ZNF568: variants seen among roughly 807,000 people sequenced by gnomAD.
The protein encoded by ZNF568 is zinc finger protein 568, also known as p53 inhibitor of SCO2 activation.
Under a neutral mutation model 18.1 loss-of-function variants are expected in ZNF568, and 11 were observed. The observed-to-expected ratio is 0.61, with a 90% CI of 0.38 to 1.00. ZNF568 has a LOEUF of 1.00. Ranked by LOEUF, ZNF568 falls within the 50% of genes least tolerant of loss-of-function variation. The probability of loss-of-function intolerance (pLI) is 0.01; values close to 1 mark genes in which losing one functional copy is unlikely to be tolerated. For missense variants in ZNF568, 639 were observed against 768.2 expected (o/e 0.83, Z 1.99); for synonymous variants, 213 against 246.6 (o/e 0.86, Z 1.28).
intron 6 of ZNF568, among the ~76,000 whole-genome samples, chr19:36,972,880 C>A (rs1366718779): frequency 2.0e-5 from 3 of 152,210 alleles, no homozygotes. Context: ...ACTCTGGAAG[C>A]CCTGGCGGCG....
At chr19:36,986,405 T>C (rs1362976966) in intron 2 of ZNF568, among the ~76,000 whole-genome samples, 1 of 152,186 alleles carries the variant, frequency 6.6e-6, no homozygotes, top group Non-Finnish European at 1.5e-5. Flanking sequence ...CTGGGCTCCA[T>C]AGACATTCCC....
chr19:36,934,065 A>G (rs1350406382), intron 4 of ZNF568, among the ~76,000 whole-genome samples: 2 of 150,212 alleles, frequency 1.3e-5, no homozygotes, highest in African/African-American at 4.9e-5. Context: ...ATATTTATTC[A>G]TAATATTTCT....
At chr19:36,940,103 A>G (rs1032249777) in intron 6 of ZNF568, among the ~76,000 whole-genome samples, 2 of 152,180 alleles carry the variant, frequency 1.3e-5, no homozygotes, top group Non-Finnish European at 2.9e-5. Context: ...CATCACCCAA[A>G]GTAGTTCTGA....
chr19:36,921,449 G>A (rs569255670), intron 2 of ZNF568, among the ~76,000 whole-genome samples: 12 of 149,208 alleles, frequency 8.0e-5, no homozygotes, highest in Admixed American at 4.7e-4. Flanking sequence ...CAACAAGAGC[G>A]AAACTCCATC....
At chr19:36,926,246 T>G (rs1278179623) in intron 4 of ZNF568, among the ~76,000 whole-genome samples, 1 of 152,230 alleles carries the variant, frequency 6.6e-6, no homozygotes, top group African/African-American at 2.4e-5. Flanking sequence ...CTCTTGATTC[T>G]TTTTGTTTCC....
At chr19:36,971,642 G>A (rs879355095) in intron 6 of ZNF568, among the ~76,000 whole-genome samples, 11 of 151,814 alleles carry the variant, frequency 7.2e-5, no homozygotes, top group Non-Finnish European at 1.3e-4. Flanking sequence ...TCGCTCTATC[G>A]CCAGGCTGGA....
At chr19:36,984,218 G>A (rs1016696717), downstream of ZNF568, among the ~76,000 whole-genome samples, 1 of 152,092 alleles carries the variant, frequency 6.6e-6, no homozygotes, top group East Asian at 1.9e-4. Context: ...GTTCTTTAAC[G>A]AGAGTATTTA....
chr19:36,931,851 CCCTGAAAAGAAACCCTTTA>C (rs1162663616), intron 4 of ZNF568, among the ~76,000 whole-genome samples: 1 of 152,124 alleles, frequency 6.6e-6, no homozygotes, highest in Non-Finnish European at 1.5e-5. Context: ...ATTTTCATCA[CCCTGAAAAGAAACCCTTTA>C]CCTGTTAGCT....
At chr19:36,970,849 T>C (rs2074230128) in intron 6 of ZNF568, among the ~76,000 whole-genome samples, 1 of 152,186 alleles carries the variant, frequency 6.6e-6, no homozygotes, top group Non-Finnish European at 1.5e-5. Context: ...CTGTTCAGAT[T>C]TTCTACTTCT....
chr19:36,958,617 T>TTTTTTTTTTTTTTTTTTTTTTTTC (rs2074125480), intron 6 of ZNF568, among the ~76,000 whole-genome samples: 1 of 85,256 alleles, frequency 1.2e-5, no homozygotes, highest in African/African-American at 6.4e-5. Context: ...TTTTTCTTTC[T>TTTTTTTTTTTTTTTTTTTTTTTTC]TTTTTTTTTT....
At position 36,950,982 on chromosome 19, in the gene ZNF568, G is replaced by A; in HGVS notation, c.1829G>A (p.Gly610Asp). 1.9e-6 allele frequency: 3 copies of A among 1,613,666 alleles called. No individual in the cohort carries two copies. Among genetic ancestry groups the A allele is most frequent in the Non-Finnish European group, 2.5e-6 (3 of 1,179,858 alleles). ...LLIIHMRSHT[G>D]EKPFECNECG... ...ATTATACATATGAGAAGTCATACTG[G>A]TGAGAAACCCTTTGAATGTAATGAA... is the stretch of plus-strand genomic sequence containing the variant. The change falls in exon 7 of 7, where the codon GGT (glycine) becomes GAT (aspartate). Residue 610 changes from glycine to aspartate, a missense_variant. Gly to Asp is a moderately conservative substitution (Grantham distance 94). Transcript: ENST00000333987.
chr19:36,950,150 C>T lies in ZNF568; in HGVS notation c.997C>T (p.Pro333Ser). The T allele has an allele frequency of 1.2e-6, 2 of 1,613,926 alleles. No individual in the cohort carries two copies. The highest frequency in any genetic ancestry group is 1.7e-6 in the Non-Finnish European group (2 of 1,179,948). The change falls in exon 7 of 7, where the codon CCC (proline) becomes TCC (serine). Residue 333 changes from proline (P) to serine (S), a missense_variant. Physicochemically the swap from Pro to Ser is moderately conservative, Grantham distance 74 (BLOSUM62 -1). Transcript: ENST00000333987. ...TGAGCGAATTCACACTGGAGAGAAACCCTATGAATGTAAGGAATGTGGGAA... is the reference window on the plus strand; with the variant it reads ...TGAGCGAATTCACACTGGAGAGAAATCCTATGAATGTAAGGAATGTGGGAA... ...EHERIHTGEK[P>S]YECKECGKSF...
intron 4 of ZNF568, among the ~76,000 whole-genome samples, chr19:36,995,968 A>G (rs1302211426): frequency 6.6e-6 from 1 of 152,166 alleles, no homozygotes; most frequent in Non-Finnish European, 1.5e-5. Flanking sequence ...TTACTCTTAC[A>G]TGGTAAGGGG....
intron 6 of ZNF568, among the ~76,000 whole-genome samples, chr19:36,939,460 T>G (rs1278863947): frequency 6.6e-6 from 1 of 152,136 alleles, no homozygotes; most frequent in Non-Finnish European, 1.5e-5. Flanking sequence ...CCAGTCTATT[T>G]TCTGTTCTTT....
intron 5 of ZNF568, 36 bp from the exon 6 acceptor site, chr19:36,937,111 A>G: frequency 1.3e-6 from 2 of 1,589,564 alleles, no homozygotes; most frequent in Non-Finnish European, 1.7e-6. Context: ...TGTCTCCAGC[A>G]TTGACATCCA....
At chr19:36,928,448 A>C (rs2073622465) in intron 4 of ZNF568, among the ~76,000 whole-genome samples, 1 of 152,166 alleles carries the variant, frequency 6.6e-6, no homozygotes, top group Non-Finnish European at 1.5e-5. Flanking sequence ...TGTGCAGATA[A>C]TAAGCTACAA....
downstream of ZNF568, among the ~76,000 whole-genome samples, chr19:36,984,093 G>T (rs995471915): frequency 1.3e-5 from 2 of 151,764 alleles, no homozygotes; most frequent in South Asian, 2.1e-4. Context: ...TAGAGAGGGG[G>T]TTTCACCGTG....
In ZNF568 at chr19:36,950,437, TCA is replaced by T. The variant is rs1249740408; in HGVS notation, c.1285_1286del (p.Gln429GlufsTer14). On this transcript the variant is annotated frameshift_variant, in exon 7 of 7. Transcript: ENST00000333987. LOFTEE classifies it low-confidence loss of function (END_TRUNC). ...VCSECGKAFSQSSSLTVHMRN... is the reference protein window; with the variant it reads ...VCSECGKAFSXSSSLTVHMRN... ...GTAGTGAATGTGGGAAAGCCTTCTCTCAGAGTTCATCCCTAACCGTACATATG... is the reference window on the plus strand; with the variant it reads ...GTAGTGAATGTGGGAAAGCCTTCTCTGAGTTCATCCCTAACCGTACATATG... The T allele has an allele frequency of 6.2e-7, 1 of 1,613,272 alleles. No individual in the cohort carries two copies. The highest frequency in any genetic ancestry group is 1.1e-5 in the South Asian group (1 of 91,044).
At chr19:36,967,409 A>G (rs1845063512) in intron 6 of ZNF568, among the ~76,000 whole-genome samples, 2 of 152,138 alleles carry the variant, frequency 1.3e-5, no homozygotes, top group African/African-American at 4.8e-5. Context: ...ACTTAAATAC[A>G]AAAGTTAGCT....
Sources: gnomAD v4.1 joint callset for allele counts (sites outside exome capture counted in the v4.1 genomes callset) on GRCh38, gnomAD v4.1.1 for gene constraint, MANE v1.5 for transcripts, NCBI Gene and HGNC (gene_info 2026-07-23, HGNC 2026-07-21) for gene names.